Variants in SDK1 observed in about 807,000 individuals in gnomAD.
SDK1 encodes the protein sidekick cell adhesion molecule 1, also known as protein sidekick-1.
SDK1 carries 157 observed loss-of-function variants against 245.5 expected under a neutral mutation model. That is an observed-to-expected ratio of 0.64 (90% CI 0.56 to 0.73). The LOEUF (loss-of-function observed/expected upper bound fraction) is 0.73. SDK1 is among the 30% of genes least tolerant of loss of function. The pLI, the probability that SDK1 is intolerant of heterozygous loss-of-function variation, is 0.00. For synonymous variants in SDK1, 1,647 were observed against 1,278.5 expected, an observed-to-expected ratio of 1.29 and a Z score of -6.15; for missense variants, 3,583 against 3,002.3, an observed-to-expected ratio of 1.19 and a Z score of -4.52.
chr7:3,575,999 T>C (rs1199148969), intron 1 of SDK1, among the ~76,000 whole-genome samples: 2 of 152,058 alleles, frequency 1.3e-5, no homozygotes, highest in Non-Finnish European at 2.9e-5. Context: ...TTGTGAAATA[T>C]GTTTGTTTAC....
At chr7:3,439,289 C>G (rs929821117) in intron 1 of SDK1, among the ~76,000 whole-genome samples, 1 of 152,094 alleles carries the variant, frequency 6.6e-6, no homozygotes, top group African/African-American at 2.4e-5. Context: ...TCATCTAAAA[C>G]GTGTGTCGCT....
intron 38 of SDK1, among the ~76,000 whole-genome samples, chr7:4,217,457 C>A (rs1189296079): frequency 8.7e-5 from 9 of 103,078 alleles, no homozygotes; most frequent in Admixed American, 1.8e-4. Flanking sequence ...CCACCCGGAG[C>A]ACCACACCAC....
chr7:3,796,887 T>C (rs1482694065), intron 4 of SDK1, among the ~76,000 whole-genome samples: 1 of 152,214 alleles, frequency 6.6e-6, no homozygotes, highest in Non-Finnish European at 1.5e-5. Flanking sequence ...ATTTTACATT[T>C]AGAAAGTAAG....
chr7:3,795,572 T>C (rs772030066), intron 4 of SDK1, among the ~76,000 whole-genome samples: 14 of 152,188 alleles, frequency 9.2e-5, no homozygotes, highest in Non-Finnish European at 1.9e-4. Context: ...TCACTGTATC[T>C]GGCTGTTAAA....
chr7:3,862,373 C>G (rs1419438064), intron 5 of SDK1, among the ~76,000 whole-genome samples: 1 of 152,206 alleles, frequency 6.6e-6, no homozygotes, highest in Non-Finnish European at 1.5e-5. Context: ...CTGGTGCAGT[C>G]TCGGTCTGTG....
At chr7:3,880,952 TA>T (rs1285512807) in intron 5 of SDK1, among the ~76,000 whole-genome samples, 1 of 152,038 alleles carries the variant, frequency 6.6e-6, no homozygotes, top group Non-Finnish European at 1.5e-5. Context: ...TACCTGGGAT[TA>T]GGGGAAAGAA....
intron 44 of SDK1, among the ~76,000 whole-genome samples, chr7:4,247,294 G>A (rs996435924): frequency 6.6e-6 from 1 of 152,168 alleles, no homozygotes; most frequent in Non-Finnish European, 1.5e-5. Context: ...TGGTGAGGCC[G>A]ATTCTGCTTT....
In SDK1 at chr7:4,149,868, G is replaced by A. The variant is rs115835299; in HGVS notation, c.4625+405G>A. On this transcript the variant is annotated intron_variant, in intron 30 of 44. Transcript: ENST00000404826. ...GTGTCCAGGGCTGGAGGGACGTTGC[G>A]TCCCCTTGCGTTCTCGAAAGCAGCA... Among the ~76,000 whole-genome samples, 793 of 152,252 alleles carry A rather than the reference G, an allele frequency of 5.2e-3. 11 individuals carry two copies. The highest frequency in any genetic ancestry group is 0.018 in the African/African-American group (751 of 41,546).
intron 1 of SDK1, among the ~76,000 whole-genome samples, chr7:3,394,773 ATG>A (rs1287740134): frequency 6.6e-5 from 10 of 152,126 alleles, no homozygotes; most frequent in Admixed American, 2.0e-4. Flanking sequence ...GCTATTGTGA[ATG>A]TGTCTCTTAA....
At chr7:3,883,363 G>C (rs904790116) in intron 5 of SDK1, among the ~76,000 whole-genome samples, 2 of 152,218 alleles carry the variant, frequency 1.3e-5, no homozygotes, top group African/African-American at 4.8e-5. Flanking sequence ...AGTCTTAAGC[G>C]AGGAACGTGC....
At chr7:3,377,156 G>C (rs1325708567) in intron 1 of SDK1, among the ~76,000 whole-genome samples, 3 of 152,118 alleles carry the variant, frequency 2.0e-5, no homozygotes, top group South Asian at 4.1e-4. Flanking sequence ...CAATCTCTCT[G>C]AGGATATGAA....
chr7:3,457,418 A>G (rs939369472), intron 1 of SDK1, among the ~76,000 whole-genome samples: 4 of 152,074 alleles, frequency 2.6e-5, no homozygotes, highest in Non-Finnish European at 5.9e-5. Flanking sequence ...GACACTATAC[A>G]CAATGTCTTC....
At chr7:4,167,277 C>G (rs1253017597) in intron 32 of SDK1, among the ~76,000 whole-genome samples, 1 of 152,092 alleles carries the variant, frequency 6.6e-6, no homozygotes, top group African/African-American at 2.4e-5. Flanking sequence ...ATAGTCCCAG[C>G]TACTCAGGCT....
rs1447320860 is a variant in SDK1, at chr7:4,190,209, C to G, written c.5098+11623C>G. ...CTCATCATCGACGTTCCCAGGGCTCCCTGGGTAATTATTAACATATCACGC... is the reference window on the plus strand; with the variant it reads ...CTCATCATCGACGTTCCCAGGGCTCGCTGGGTAATTATTAACATATCACGC... On this transcript the variant is annotated intron_variant, in intron 35 of 44. Transcript: ENST00000404826. Among the ~76,000 whole-genome samples the G allele has an allele frequency of 2.6e-5, 4 of 152,318 alleles. No individual in the cohort carries two copies. In the South Asian group the frequency reaches 8.3e-4, roughly 32 times the overall value.
intron 1 of SDK1, among the ~76,000 whole-genome samples, chr7:3,334,253 T>C (rs1357738826): frequency 1.3e-5 from 2 of 152,178 alleles, no homozygotes; most frequent in Admixed American, 6.5e-5. Flanking sequence ...CTCTTCAAGA[T>C]TGTTTTGTAG....
intron 1 of SDK1, among the ~76,000 whole-genome samples, chr7:3,403,687 C>T (rs1026631622): frequency 1.3e-5 from 2 of 151,020 alleles, no homozygotes; most frequent in African/African-American, 2.4e-5. Context: ...ACAGTAGTTA[C>T]TACCTAAGAG....
At chr7:3,673,716 C>T (rs976504204) in intron 4 of SDK1, among the ~76,000 whole-genome samples, 8 of 152,114 alleles carry the variant, frequency 5.3e-5, no homozygotes, top group African/African-American at 7.2e-5. Context: ...CCCAAAACTG[C>T]GCCCCCTGCT....
intron 1 of SDK1, among the ~76,000 whole-genome samples, chr7:3,606,693 C>T (rs922505302): frequency 6.6e-6 from 1 of 152,168 alleles, no homozygotes; most frequent in Non-Finnish European, 1.5e-5. Context: ...ACCCCGTTCT[C>T]AACGAGGCCT....
rs1034401908 is a variant in SDK1 at position 3,488,465 on chromosome 7, C to T, written c.299-130615C>T. 9.9e-5 allele frequency among the ~76,000 whole-genome samples: 15 copies of T among 152,190 alleles called. No homozygotes were observed. The East Asian group carries it at 2.9e-3, about 29-fold the overall frequency. On this transcript the variant is annotated intron_variant, in intron 1 of 44. Coordinates refer to ENST00000404826, the MANE Select transcript of SDK1 (RefSeq NM_152744.4). ...TGGTTTGTATTTTTGTCCTGAATTT[C>T]AGTTTTTATTGCATTATCTTCAGAG...
Sources: allele counts gnomAD v4.1 joint callset (sites outside exome capture counted in the v4.1 genomes callset), GRCh38; gene constraint gnomAD v4.1.1; transcripts MANE v1.5; gene names NCBI Gene and HGNC (gene_info 2026-07-23, HGNC 2026-07-21).